NALCN: variants seen among roughly 807,000 people sequenced by gnomAD.
NALCN encodes sodium leak channel NALCN.
NALCN carries 111 observed loss-of-function variants against 225.3 expected under a neutral mutation model. The observed-to-expected ratio is 0.49, with a 90% CI of 0.42 to 0.58. The LOEUF (loss-of-function observed/expected upper bound fraction) is 0.58. NALCN is among the 20% of genes least tolerant of loss of function. NALCN has a pLI of 0.00. For synonymous variants in NALCN, 764 were observed against 769.0 expected (o/e 0.99, Z 0.11); for missense variants, 1,378 against 2,202.4 (o/e 0.63, Z 7.49).
At chr13:101,333,579 G>A (rs1939218830) in intron 7 of NALCN, among the ~76,000 whole-genome samples, 1 of 152,208 alleles carries the variant, frequency 6.6e-6, no homozygotes, top group South Asian at 2.1e-4. Flanking sequence ...TCCAGAGAAG[G>A]AGGCTCTTAC....
intron 3 of NALCN, among the ~76,000 whole-genome samples, chr13:101,394,175 C>A (rs4771395): frequency 0.076 from 11,516 of 152,068 alleles, 846 homozygotes; most frequent in East Asian, 0.32. Context: ...CTGTAATATA[C>A]TTTGGGGTAA....
chr13:101,399,416 A>C (rs559902315), intron 1 of NALCN, among the ~76,000 whole-genome samples: 1 of 152,306 alleles, frequency 6.6e-6, no homozygotes, highest in South Asian at 2.1e-4. Flanking sequence ...GCTATTTAGA[A>C]TAGCTAGAGT....
At chr13:101,278,340 T>C (rs918843460) in intron 10 of NALCN, among the ~76,000 whole-genome samples, 1 of 151,960 alleles carries the variant, frequency 6.6e-6, no homozygotes, top group Non-Finnish European at 1.5e-5. Context: ...CTGACCAACA[T>C]GGTGAAACCC....
intron 42 of NALCN, chr13:101,058,590 T>C (rs549754946): frequency 6.5e-6 from 1 of 153,108 alleles, no homozygotes; most frequent in Non-Finnish European, 1.5e-5. Context: ...ATTTCACCTG[T>C]TCTCAGGTTC....
chr13:101,169,579 T>C (rs1255392164), intron 15 of NALCN, among the ~76,000 whole-genome samples: 1 of 152,214 alleles, frequency 6.6e-6, no homozygotes, highest in Non-Finnish European at 1.5e-5. Context: ...GGAGAAAATA[T>C]GCTGATCTAA....
intron 18 of NALCN, chr13:101,117,089 C>A: frequency 5.0e-6 from 2 of 401,868 alleles, no homozygotes; most frequent in Admixed American, 3.0e-5. Context: ...GTAAATGGAT[C>A]TGGCTCTTTC....
intron 10 of NALCN, among the ~76,000 whole-genome samples, chr13:101,272,266 C>T (rs1030700369): frequency 3.3e-5 from 5 of 150,526 alleles, no homozygotes; most frequent in African/African-American, 1.3e-4. Context: ...CACATGCATG[C>T]TGTGTTTTTG....
At chr13:101,066,094 G>A (rs1272013038) in intron 39 of NALCN, among the ~76,000 whole-genome samples, 1 of 152,132 alleles carries the variant, frequency 6.6e-6, no homozygotes, top group African/African-American at 2.4e-5. Context: ...GGGAGGCCGA[G>A]GCGGGTGGAT....
rs568880201 is a variant in NALCN at position 101,122,585 on chromosome 13, G to C, written c.2192+2023C>G. ...AAAAATCAGCAACTATATCCCTCTT[G>C]CACCACGTTAAATAGAAGAATGTAA... On this transcript the variant is annotated intron_variant, in intron 18 of 43. Transcript: ENST00000251127. Among the ~76,000 whole-genome samples the C allele has an allele frequency of 3.3e-5, 5 of 152,206 alleles. No individual in the cohort carries two copies. In the South Asian group the frequency reaches 1.0e-3, roughly 32 times the overall value.
chr13:101,323,543 C>T (rs549973297), intron 7 of NALCN, among the ~76,000 whole-genome samples: 5 of 152,114 alleles, frequency 3.3e-5, no homozygotes, highest in Admixed American at 6.5e-5. Context: ...TTCCTCAGTG[C>T]ATGATTATTA....
At chr13:101,191,649 G>A (rs1031858288) in intron 14 of NALCN, among the ~76,000 whole-genome samples, 1 of 152,116 alleles carries the variant, frequency 6.6e-6, no homozygotes, top group African/African-American at 2.4e-5. Flanking sequence ...ACTTAAATTG[G>A]TATGTAAATG....
At chr13:101,336,959 G>C (rs150535941) in intron 7 of NALCN, among the ~76,000 whole-genome samples, 14 of 152,154 alleles carry the variant, frequency 9.2e-5, no homozygotes, top group Admixed American at 8.5e-4. Flanking sequence ...TCTTTTGCTT[G>C]CTAAGTTCTC....
At chr13:101,285,103 C>T (rs74117839) in intron 9 of NALCN, among the ~76,000 whole-genome samples, 2 of 152,120 alleles carry the variant, frequency 1.3e-5, no homozygotes, top group East Asian at 1.9e-4. Flanking sequence ...ACCCTGTATT[C>T]GAAGGGGTAA....
At chr13:101,272,605 T>C (rs113529657) in intron 10 of NALCN, among the ~76,000 whole-genome samples, 4 of 152,076 alleles carry the variant, frequency 2.6e-5, no homozygotes, top group Non-Finnish European at 5.9e-5. Context: ...TCAAAAAATA[T>C]CAAAATACTG....
At chr13:101,193,590 A>G (rs972417195) in intron 13 of NALCN, among the ~76,000 whole-genome samples, 1 of 152,170 alleles carries the variant, frequency 6.6e-6, no homozygotes, top group Non-Finnish European at 1.5e-5. Flanking sequence ...GAAAATATGA[A>G]GCGTGTTGTT....
intron 18 of NALCN, among the ~76,000 whole-genome samples, chr13:101,119,065 T>G (rs751733417): frequency 6.6e-6 from 1 of 152,204 alleles, no homozygotes; most frequent in Non-Finnish European, 1.5e-5. Flanking sequence ...GCAAATGGTG[T>G]GAAATGCCTG....
At chr13:101,111,771 C>T (rs1396241643) in intron 18 of NALCN, among the ~76,000 whole-genome samples, 1 of 152,152 alleles carries the variant, frequency 6.6e-6, no homozygotes, top group East Asian at 1.9e-4. Flanking sequence ...TAAGACGTGC[C>T]TTTCACCGTC....
rs1468080436 is a variant in NALCN, at chr13:101,221,744, G to A, written c.1626+7649C>T. 2.6e-5 allele frequency among the ~76,000 whole-genome samples: 4 copies of A among 152,254 alleles called. 1 individual carries two copies. The highest frequency in any genetic ancestry group is 3.4e-3 in the Middle Eastern group (1 of 294). On this transcript the variant is annotated intron_variant, in intron 13 of 43. Coordinates refer to ENST00000251127, the MANE Select transcript of NALCN (RefSeq NM_052867.4). Reference sequence around the variant, plus strand: ...AAAGGAAGGCCCAATTAACCTCACCGAAAGTTTCATACCTAGGACTGATCA... The same window carrying A: ...AAAGGAAGGCCCAATTAACCTCACCAAAAGTTTCATACCTAGGACTGATCA...
chr13:101,066,855 G>T (rs2032433696), intron 39 of NALCN, among the ~76,000 whole-genome samples: 2 of 151,962 alleles, frequency 1.3e-5, no homozygotes, highest in South Asian at 4.1e-4. Flanking sequence ...ACTATTTCCA[G>T]ATCTCGCCCC....
Sources: gnomAD v4.1 joint callset for allele counts (sites outside exome capture counted in the v4.1 genomes callset) on GRCh38, gnomAD v4.1.1 for gene constraint, MANE v1.5 for transcripts, NCBI Gene and HGNC (gene_info 2026-07-23, HGNC 2026-07-21) for gene names.